ACAD10: variants seen among roughly 807,000 people sequenced by gnomAD.
The protein encoded by ACAD10 is ACAD-10.
Under a neutral mutation model 116.8 loss-of-function variants are expected in ACAD10, and 112 were observed. That is an observed-to-expected ratio of 0.96 (90% CI 0.82 to 1.12). The LOEUF (loss-of-function observed/expected upper bound fraction) is 1.12. Among genes scored for constraint, ACAD10 ranks in the 50% most tolerant of loss-of-function variants. The pLI, the probability that ACAD10 is intolerant of heterozygous loss-of-function variation, is 0.00. For synonymous variants in ACAD10, 486 were observed against 510.6 expected (o/e 0.95, Z 0.65); for missense variants, 1,259 against 1,350.2 (o/e 0.93, Z 1.06).
chr12:111,728,895 G>T (rs1889306163), intron 9 of ACAD10, among the ~76,000 whole-genome samples: 1 of 152,054 alleles, frequency 6.6e-6, no homozygotes, highest in Non-Finnish European at 1.5e-5. Flanking sequence ...TTGCCACATT[G>T]CCCAGGCTCT....
chr12:111,706,039 C>T (rs1888493726), intron 4 of ACAD10, 107 bp downstream of exon 4: 2 of 1,204,800 alleles, frequency 1.7e-6, no homozygotes, highest in Admixed American at 4.6e-5. Context: ...GGAGTTTTTC[C>T]TTCAGCCACT....
At chr12:111,733,310 G>A (rs1300102289) in intron 10 of ACAD10, among the ~76,000 whole-genome samples, 2 of 151,832 alleles carry the variant, frequency 1.3e-5, no homozygotes, top group African/African-American at 4.8e-5. Context: ...TATGTTGCCC[G>A]GGCTGGTCTT....
intron 12 of ACAD10, among the ~76,000 whole-genome samples, chr12:111,740,736 T>G (rs1889713013): frequency 7.1e-6 from 1 of 141,772 alleles, no homozygotes; most frequent in Non-Finnish European, 1.5e-5. Context: ...GAGCCGAGAT[T>G]GCTTCACTGT....
chr12:111,691,223 T>C (rs982180657), intron 1 of ACAD10: 4 of 152,438 alleles, frequency 2.6e-5, no homozygotes, highest in African/African-American at 9.6e-5. Context: ...TGTCTTTTTT[T>C]TTCCTGAACC....
chr12:111,730,016 G>A, intron 10 of ACAD10, 60 bp downstream of exon 10: 1 of 1,569,300 alleles, frequency 6.4e-7, no homozygotes, highest in Non-Finnish European at 8.7e-7. Context: ...AGGGGGAATT[G>A]AGCAATTGGT....
At position 111,702,317 on chromosome 12, in the gene ACAD10, G is replaced by C. The variant is rs778114155; in HGVS notation, c.336+7G>C. ...GAGACTTTGCTCTGAAATGGTGAGT[G>C]GTAAACATACCTACATTTCCATATT... On this transcript the variant is annotated splice_region_variant and intron_variant, in intron 3 of 20. Coordinates refer to ENST00000313698, the MANE Select transcript of ACAD10 (RefSeq NM_025247.6). 3.1e-6 allele frequency: 5 copies of C among 1,612,316 alleles called. No individual in the cohort carries two copies. Among genetic ancestry groups the C allele is most frequent in the Non-Finnish European group, 4.2e-6 (5 of 1,179,608 alleles).
intron 7 of ACAD10, among the ~76,000 whole-genome samples, chr12:111,720,385 T>TA (rs1278228546): frequency 6.6e-6 from 1 of 152,230 alleles, no homozygotes; most frequent in Non-Finnish European, 1.5e-5. Context: ...AAAGGAGTGT[T>TA]AAAAGCTCAA....
At chr12:111,706,516 C>G (rs1249914422) in intron 4 of ACAD10, among the ~76,000 whole-genome samples, 1 of 152,108 alleles carries the variant, frequency 6.6e-6, no homozygotes, top group East Asian at 1.9e-4. Flanking sequence ...GTGGCACAAT[C>G]TCAGCTCACT....
At chr12:111,738,052 T>A (rs1889623671) in intron 12 of ACAD10, among the ~76,000 whole-genome samples, 1 of 152,028 alleles carries the variant, frequency 6.6e-6, no homozygotes, top group South Asian at 2.1e-4. Flanking sequence ...AGATGGGGTT[T>A]TGCCATGTTG....
At chr12:111,715,153 C>G (rs1391011012) in intron 6 of ACAD10, among the ~76,000 whole-genome samples, 3 of 152,282 alleles carry the variant, frequency 2.0e-5, no homozygotes, top group Non-Finnish European at 4.4e-5. Context: ...GGCGCCCACT[C>G]TGGCCAGCCA....
In ACAD10 at chr12:111,748,419, C is replaced by T; in HGVS notation, c.2588C>T (p.Thr863Ile). ...TCTGTGCTCTTGGTTCCCATGGATA[C>T]CCCAGGGATAAAAATCATCCGGCCT... is the stretch of plus-strand genomic sequence containing the variant. Reference protein sequence around the residue: ...QQSVLLVPMDTPGIKIIRPLT... With the variant: ...QQSVLLVPMDIPGIKIIRPLT... Residue 863 changes from threonine (T) to isoleucine (I), a missense_variant, in exon 17 of 21, where the codon ACC becomes ATC. Thr to Ile is a moderately conservative substitution (Grantham distance 89). Transcript: ENST00000313698. 6.2e-7 allele frequency: 1 copy of T among 1,614,098 alleles called. No homozygotes were observed. The highest frequency in any genetic ancestry group is 2.2e-5 in the East Asian group (1 of 44,884).
chr12:111,700,982 C>T (rs887210797), intron 2 of ACAD10, among the ~76,000 whole-genome samples: 1 of 151,990 alleles, frequency 6.6e-6, no homozygotes, highest in Non-Finnish European at 1.5e-5. Flanking sequence ...TGGTATCAGA[C>T]TCCTAGCCTC....
intron 18 of ACAD10, chr12:111,753,049 T>C (rs1890115301): frequency 6.1e-6 from 1 of 164,910 alleles, no homozygotes; most frequent in African/African-American, 2.4e-5. Flanking sequence ...GTGGCTGAGG[T>C]AGGAAGATTG....
chr12:111,723,914 T>G (rs1809794382), intron 8 of ACAD10, among the ~76,000 whole-genome samples: 1 of 130,032 alleles, frequency 7.7e-6, no homozygotes, highest in Non-Finnish European at 1.7e-5. Flanking sequence ...AGACGGGGTC[T>G]CGGCCGGGCA....
intron 2 of ACAD10, among the ~76,000 whole-genome samples, chr12:111,700,523 C>T (rs1217175399): frequency 1.3e-5 from 2 of 152,050 alleles, no homozygotes; most frequent in African/African-American, 4.8e-5. Context: ...TGTTTACGCT[C>T]CCGTCAACAG....
chr12:111,689,142 G>C (rs768928645), intron 1 of ACAD10, among the ~76,000 whole-genome samples: 23 of 151,976 alleles, frequency 1.5e-4, no homozygotes, highest in Non-Finnish European at 2.1e-4. Context: ...AGTGAGCTCT[G>C]ATCATGCCAC....
chr12:111,752,050 C>T (rs1479054519), intron 18 of ACAD10, among the ~76,000 whole-genome samples: 10 of 141,226 alleles, frequency 7.1e-5, no homozygotes, highest in African/African-American at 2.2e-4. Context: ...AAGAGCGATA[C>T]TCTGTCTCAA....
chr12:111,723,058 G>A (rs1889071458), intron 8 of ACAD10, among the ~76,000 whole-genome samples: 1 of 147,816 alleles, frequency 6.8e-6, no homozygotes, highest in Non-Finnish European at 1.5e-5. Context: ...GGCTGGCCGG[G>A]CAGAGGGGCT....
chr12:111,686,260 A>G (rs1442995368), intron 1 of ACAD10, 21 bp downstream of exon 1: 1 of 152,650 alleles, frequency 6.6e-6, no homozygotes, highest in South Asian at 2.0e-4. Flanking sequence ...TGTCCGAGCT[A>G]TCTGCTATGC....
Sources: allele counts gnomAD v4.1 joint callset (sites outside exome capture counted in the v4.1 genomes callset), GRCh38; gene constraint gnomAD v4.1.1; transcripts MANE v1.5; gene names NCBI Gene and HGNC (gene_info 2026-07-23, HGNC 2026-07-21).